KALRN: variants seen among roughly 807,000 people sequenced by gnomAD.
The protein encoded by KALRN is kalirin.
KALRN carries 70 observed loss-of-function variants against 353.7 expected under a neutral mutation model. The ratio of observed to expected loss-of-function variants is 0.20; its 90% CI spans 0.16 to 0.24. The LOEUF (loss-of-function observed/expected upper bound fraction) is 0.24. KALRN is among the 10% of genes least tolerant of loss of function. The pLI is 1.00. For missense variants in KALRN, 2,791 were observed against 3,756.7 expected, an observed-to-expected ratio of 0.74 and a Z score of 6.72; for synonymous variants, 1,391 against 1,434.8, an observed-to-expected ratio of 0.97 and a Z score of 0.69.
At chr3:124,534,290 A>G (rs332417) in intron 33 of KALRN, among the ~76,000 whole-genome samples, 111,786 of 152,082 alleles carry the variant, frequency 0.74, 42,402 homozygotes, top group African/African-American at 0.91. Context: ...ACCAAACACC[A>G]CATGTTCTCA....
chr3:124,337,341 G>GT (rs138129864), intron 9 of KALRN, among the ~76,000 whole-genome samples: 115,317 of 152,036 alleles, frequency 0.76, 44,277 homozygotes, highest in African/African-American at 0.87. Context: ...TTTATTGAGA[G>GT]TTTTAGCATG....
chr3:124,670,989 A>G (rs1349942364), intron 47 of KALRN, among the ~76,000 whole-genome samples: 3 of 152,102 alleles, frequency 2.0e-5, no homozygotes, highest in African/African-American at 7.2e-5. Context: ...CATCCATTCC[A>G]CATCCCACTG....
At chr3:124,645,842 T>C (rs2082648614) in intron 37 of KALRN, among the ~76,000 whole-genome samples, 1 of 152,190 alleles carries the variant, frequency 6.6e-6, no homozygotes, top group South Asian at 2.1e-4. Flanking sequence ...TTGGGTCATA[T>C]GATAATTCTA....
At position 124,720,663 on chromosome 3, in the gene KALRN, A is replaced by G. The variant is rs2063336825; in HGVS notation, c.*1193A>G. ...TGTAACTGAGATTGCAATACCTGTC[A>G]CCATGCAGCCGCTGATAGTTCTCTG... On this transcript the variant is annotated 3_prime_UTR_variant, in exon 60 of 60. Coordinates refer to ENST00000682506, the MANE Select transcript of KALRN (RefSeq NM_001388419.1). The G allele has an allele frequency of 6.6e-6, 1 of 152,542 alleles. No individual in the cohort carries two copies. Among genetic ancestry groups the G allele is most frequent in the Non-Finnish European group, 1.5e-5 (1 of 68,032 alleles). The allele number at this position is 152,542 out of a possible 1,614,324, so 9.4% of individuals were successfully genotyped here. A position where few individuals can be genotyped will look rare whatever the true frequency, so the allele number is the denominator to read the frequency against.
chr3:124,195,527 C>A (rs561705868), intron 1 of KALRN, among the ~76,000 whole-genome samples: 9 of 152,192 alleles, frequency 5.9e-5, no homozygotes, highest in Non-Finnish European at 1.0e-4. Context: ...GGGAAGAAAT[C>A]TTTTTCCCCT....
In KALRN at chr3:124,456,702, G is replaced by T. The variant is rs147099139; in HGVS notation, c.3828G>T (p.Glu1276Asp). The T allele has an allele frequency of 5.0e-6, 8 of 1,612,866 alleles. No individual in the cohort carries two copies. Among genetic ancestry groups the T allele is most frequent in the African/African-American group, 1.3e-5 (1 of 74,880 alleles). Residue 1276 changes from glutamate to aspartate, a missense_variant, in exon 23 of 60, where the codon GAG becomes GAT. By Grantham distance (45) the Glu-to-Asp change is conservative. This residue lies in a region of KALRN where 268 missense variants were observed against 347.0 expected (regional missense o/e 0.77). Coordinates refer to ENST00000682506, the MANE Select transcript of KALRN (RefSeq NM_001388419.1). ...LRDANHEVNE[E>D]KRKSARKKEF... Reference sequence around the variant, plus strand: ...ACGCCAACCACGAAGTCAATGAAGAGAAGCGGAAGTCAGCCCGGAAGAAAG... The same window carrying T: ...ACGCCAACCACGAAGTCAATGAAGATAAGCGGAAGTCAGCCCGGAAGAAAG...
intron 6 of KALRN, among the ~76,000 whole-genome samples, chr3:124,314,413 T>C (rs939957463): frequency 4.0e-5 from 6 of 151,436 alleles, no homozygotes; most frequent in Admixed American, 6.6e-5. Flanking sequence ...GACGAGTTAA[T>C]GGGTACAGCA....
Position 124,719,183 on chromosome 3 carries a change from G to A in KALRN, c.8674G>A (p.Val2892Ile), listed in dbSNP as rs904131570. The A allele has an allele frequency of 3.7e-6, 6 of 1,614,118 alleles. No individual in the cohort carries two copies. The highest frequency in any genetic ancestry group is 3.3e-5 in the Admixed American group (2 of 60,008). The change falls in exon 60 of 60, where the codon GTA becomes ATA. Residue 2892 changes from valine to isoleucine, a missense_variant. This residue lies in a region of KALRN where 188 missense variants were observed against 402.9 expected (regional missense o/e 0.47). Coordinates refer to ENST00000682506, the MANE Select transcript of KALRN (RefSeq NM_001388419.1). This position sits in a 1 kb window ranked among gnomAD's most constrained non-coding sequence, Gnocchi z 5.3. ...GAGCAAAGAGGAGACATGTATCAAC[G>A]TATGCAGGGTGGATTTCAGCTTCCC... ...DESKEETCIN[V>I]CRVDFSFPHE...
At chr3:124,712,903 A>G (rs959082554) in intron 57 of KALRN, 32 bp from the exon 58 acceptor site, 8 of 1,507,424 alleles carry the variant, frequency 5.3e-6, no homozygotes, top group Non-Finnish European at 7.3e-6. Context: ...TAATTAATGA[A>G]TGTTGGCAAA....
At chr3:124,114,154 A>G (rs2063247051) in intron 1 of KALRN, among the ~76,000 whole-genome samples, 1 of 152,222 alleles carries the variant, frequency 6.6e-6, no homozygotes, top group African/African-American at 2.4e-5. Flanking sequence ...ATGTAGAGGT[A>G]GAAGTGTAAC....
At chr3:124,572,080 T>C (rs2073575019) in intron 34 of KALRN, among the ~76,000 whole-genome samples, 1 of 151,462 alleles carries the variant, frequency 6.6e-6, no homozygotes, top group African/African-American at 2.4e-5. Context: ...CCCAGCACTT[T>C]GGGAGGCCAA....
intron 57 of KALRN, among the ~76,000 whole-genome samples, chr3:124,703,249 C>T (rs1027949700): frequency 2.0e-5 from 3 of 152,066 alleles, no homozygotes; most frequent in African/African-American, 7.2e-5. Flanking sequence ...CACCTTTCAT[C>T]AAAAACAAAC....
chr3:124,677,577 A>T (rs1406950778), intron 49 of KALRN: 1 of 456,722 alleles, frequency 2.2e-6, no homozygotes, highest in Non-Finnish European at 4.4e-6. Context: ...GAGAATATAG[A>T]CCGAGAAACT....
chr3:124,714,567 C>T (rs1264256456), intron 58 of KALRN, among the ~76,000 whole-genome samples: 2 of 152,146 alleles, frequency 1.3e-5, no homozygotes, highest in African/African-American at 2.4e-5. Flanking sequence ...AGAGATGTTG[C>T]AGGGATTAAG....
At chr3:124,357,179 T>C (rs1181528741) in intron 10 of KALRN, among the ~76,000 whole-genome samples, 1 of 152,358 alleles carries the variant, frequency 6.6e-6, no homozygotes, top group South Asian at 2.1e-4. Flanking sequence ...CAAAGTCTTA[T>C]TGATTCTGCC....
intron 16 of KALRN, among the ~76,000 whole-genome samples, chr3:124,432,944 T>A (rs1273435259): frequency 6.6e-6 from 1 of 152,234 alleles, no homozygotes; most frequent in African/African-American, 2.4e-5. Context: ...AGAGTCTGCA[T>A]TGCCTAGAAC....
At chr3:124,471,737 G>A (rs577483799) in intron 25 of KALRN, among the ~76,000 whole-genome samples, 62 of 152,078 alleles carry the variant, frequency 4.1e-4, no homozygotes, top group African/African-American at 1.4e-3. Context: ...GCCGAGGTGG[G>A]CGGATCACGA....
At chr3:124,653,778 G>T (rs1288319625) in intron 38 of KALRN, among the ~76,000 whole-genome samples, 1 of 152,180 alleles carries the variant, frequency 6.6e-6, no homozygotes, top group Non-Finnish European at 1.5e-5. Flanking sequence ...AATAACATTT[G>T]TTTGTAAATA....
chr3:124,626,611 A>G (rs1354864664), intron 34 of KALRN, among the ~76,000 whole-genome samples: 1 of 152,206 alleles, frequency 6.6e-6, no homozygotes, highest in Non-Finnish European at 1.5e-5. Context: ...AATGCCAGTC[A>G]TTGGTCTTTG....
Sources: gnomAD v4.1 joint callset for allele counts (sites outside exome capture counted in the v4.1 genomes callset) on GRCh38, gnomAD v4.1.1 for gene constraint, gnomAD v4.1.1 regional missense constraint, Gnocchi (gnomAD v3.1) non-coding constraint, MANE v1.5 for transcripts, NCBI Gene and HGNC (gene_info 2026-07-23, HGNC 2026-07-21) for gene names.